Variants in ASCC2 observed in about 807,000 individuals in gnomAD.
The protein encoded by ASCC2 is activating signal cointegrator 1 complex subunit 2, also known as ASC-1 complex subunit P100.
Under a neutral mutation model 93.5 loss-of-function variants are expected in ASCC2, and 42 were observed. That is an observed-to-expected ratio of 0.45 (90% CI 0.35 to 0.58). The LOEUF (loss-of-function observed/expected upper bound fraction) is 0.58. Among genes scored for constraint, ASCC2 ranks in the 20% least tolerant of loss-of-function variants. The pLI is 0.00. For synonymous variants in ASCC2, 364 were observed against 384.2 expected (o/e 0.95, Z 0.62); for missense variants, 859 against 977.6 (o/e 0.88, Z 1.62).
At chr22:29,789,442 C>T (rs2068623684) in intron 19 of ASCC2, among the ~76,000 whole-genome samples, 2 of 152,200 alleles carry the variant, frequency 1.3e-5, no homozygotes, top group African/African-American at 4.8e-5. Context: ...AGCGGAGGAA[C>T]AGCTAGAGAG....
At chr22:29,833,906 G>A (rs1190297687) in intron 1 of ASCC2, among the ~76,000 whole-genome samples, 4 of 149,284 alleles carry the variant, frequency 2.7e-5, no homozygotes, top group African/African-American at 4.9e-5. Flanking sequence ...AAATAGAGAC[G>A]GGGTTTCACC....
intron 15 of ASCC2, among the ~76,000 whole-genome samples, chr22:29,799,724 T>C (rs751200462): frequency 7.9e-5 from 12 of 152,352 alleles, no homozygotes; most frequent in South Asian, 4.1e-4. Flanking sequence ...GATGTTGTAC[T>C]CTTTACCATG....
chr22:29,827,876 C>T lies in ASCC2; in HGVS notation c.82-2096G>A, dbSNP rs1266333466. Among the ~76,000 whole-genome samples, 20 of 140,260 alleles carry T rather than the reference C, an allele frequency of 1.4e-4. 1 individual carries two copies. The highest frequency in any genetic ancestry group is 5.4e-4 in the African/African-American group (20 of 36,902). The allele number at this position is 140,260 out of a possible 152,430, so 92.0% of individuals were successfully genotyped here. Reference sequence around the variant, plus strand: ...CTCCTGACACACACACACACACACACACACCAGGCTACTCATTCTTCTGAC... The same window carrying T: ...CTCCTGACACACACACACACACACATACACCAGGCTACTCATTCTTCTGAC... On this transcript the variant is annotated intron_variant, in intron 2 of 19. Coordinates refer to ENST00000307790, the MANE Select transcript of ASCC2 (RefSeq NM_032204.5).
intron 14 of ASCC2, 90 bp from the exon 15 acceptor site, chr22:29,801,200 G>T: frequency 6.9e-7 from 1 of 1,452,572 alleles, no homozygotes; most frequent in East Asian, 2.5e-5. Context: ...TAAATCCATC[G>T]GATTTTTCAG....
chr22:29,819,851 T>A (rs924212807), intron 5 of ASCC2, among the ~76,000 whole-genome samples: 5 of 152,310 alleles, frequency 3.3e-5, no homozygotes, highest in Admixed American at 3.3e-4. Context: ...GTAAAATTAC[T>A]AGGAGTCTTT....
chr22:29,836,116 G>A (rs2063748237), intron 1 of ASCC2, among the ~76,000 whole-genome samples: 1 of 152,000 alleles, frequency 6.6e-6, no homozygotes, highest in Admixed American at 6.6e-5. Flanking sequence ...GCCATGATAC[G>A]TCACTGAACT....
chr22:29,806,225 G>A lies in ASCC2; in HGVS notation c.1151C>T (p.Ser384Leu). Reference protein sequence around the residue: ...AEDISLLQQASSVLDETRTAY... With the variant: ...AEDISLLQQALSVLDETRTAY... Reference sequence around the variant, plus strand: ...TATGGTAGAAGGATACAAGACTGATGAGGCCTGCTGCAGCAAGCTGATGTC... The same window carrying A: ...TATGGTAGAAGGATACAAGACTGATAAGGCCTGCTGCAGCAAGCTGATGTC... The change falls in exon 12 of 20, where the codon TCA (serine) becomes TTA (leucine). Residue 384 changes from serine to leucine, a missense_variant. By Grantham distance (145) the Ser-to-Leu change is moderately radical (BLOSUM62 -2). Coordinates refer to ENST00000307790, the MANE Select transcript of ASCC2 (RefSeq NM_032204.5). 3 of 1,614,110 alleles carry A rather than the reference G, an allele frequency of 1.9e-6. No homozygotes were observed. The highest frequency in any genetic ancestry group is 2.5e-6 in the Non-Finnish European group (3 of 1,179,998).
At chr22:29,827,377 C>T (rs2062504623) in intron 2 of ASCC2, 1 of 310,136 alleles carries the variant, frequency 3.2e-6, no homozygotes, top group Admixed American at 4.4e-5. Context: ...AACCACAGTC[C>T]ATCCACTTCC....
intron 2 of ASCC2, among the ~76,000 whole-genome samples, chr22:29,829,498 G>A (rs547878242): frequency 3.3e-5 from 5 of 152,010 alleles, no homozygotes; most frequent in Admixed American, 6.5e-5. Flanking sequence ...CAAGGCGGGC[G>A]GATCACAAGG....
intron 13 of ASCC2, among the ~76,000 whole-genome samples, chr22:29,802,564 G>A (rs1023371490): frequency 2.0e-5 from 3 of 152,156 alleles, no homozygotes; most frequent in Admixed American, 1.3e-4. Context: ...ACTTTGGGAG[G>A]CTGAGGCAAG....
chr22:29,804,931 G>A lies in ASCC2; in HGVS notation c.1161-101C>T, dbSNP rs542046335. 1.1e-3 allele frequency: 1,428 copies of A among 1,312,210 alleles called. 35 individuals are homozygous for A. The South Asian group carries it at 0.018, about 16-fold the overall frequency. The allele number at this position is 1,312,210 out of a possible 1,614,324, so 81.3% of individuals were successfully genotyped here. A position where few individuals can be genotyped will look rare whatever the true frequency, so the allele number is the denominator to read the frequency against. ...ATCTGACCACATGGTTCCTGCCAGG[G>A]GCTTTCTGGGCTATATCTAAGTGGT... On this transcript the variant is annotated intron_variant, in intron 12 of 19. Coordinates refer to ENST00000307790, the MANE Select transcript of ASCC2 (RefSeq NM_032204.5).
At chr22:29,820,652 G>A (rs1303085604) in intron 5 of ASCC2, among the ~76,000 whole-genome samples, 1 of 151,614 alleles carries the variant, frequency 6.6e-6, no homozygotes, top group East Asian at 1.9e-4. Flanking sequence ...GAAAAAAAAA[G>A]GCTGGGCGCA....
At position 29,790,521 on chromosome 22, in the gene ASCC2, C is replaced by T. The variant is rs1274789784; in HGVS notation, c.2050G>A (p.Val684Met). 1 of 1,614,052 alleles carries T rather than the reference C, an allele frequency of 6.2e-7. No individual in the cohort carries two copies. The highest frequency in any genetic ancestry group is 1.3e-5 in the African/African-American group (1 of 74,940). Residue 684 changes from valine to methionine, a missense_variant, in exon 19 of 20, where the codon GTG becomes ATG. Physicochemically the swap from Val to Met is conservative, Grantham distance 21. Transcript: ENST00000307790. ...CTGGCTTCTGCCTTCTCTCTCAGCA[C>T]TGCAGGGTCCTGAACAAAATGGTCG... ...KPDHFVQDPA[V>M]LREKAEARRM...
intron 2 of ASCC2, among the ~76,000 whole-genome samples, chr22:29,829,199 A>G (rs1029530839): frequency 6.6e-6 from 1 of 152,080 alleles, no homozygotes; most frequent in South Asian, 2.1e-4. Flanking sequence ...CTTTCTTTTC[A>G]TAGGTGTTGG....
intron 2 of ASCC2, among the ~76,000 whole-genome samples, chr22:29,831,779 G>A (rs1187957367): frequency 6.6e-6 from 1 of 152,190 alleles, no homozygotes; most frequent in Non-Finnish European, 1.5e-5. Context: ...CTCTGCCGGG[G>A]TGTTTGTATG....
chr22:29,824,251 TACAC>T (rs60849755), intron 4 of ASCC2, among the ~76,000 whole-genome samples: 26,884 of 146,356 alleles, frequency 0.18, 2,521 homozygotes, highest in South Asian at 0.3. Context: ...ATTTTTTAAA[TACAC>T]ACACACACAC....
Position 29,816,017 on chromosome 22 carries a change from T to C in ASCC2, c.598A>G (p.Thr200Ala), listed in dbSNP as rs150841970. The C allele has an allele frequency of 3.0e-4, 480 of 1,594,078 alleles. 1 individual carries two copies. Among genetic ancestry groups the C allele is most frequent in the Middle Eastern group, 6.6e-4 (4 of 6,042 alleles). ...CCAAGAGCTGGTACCTGAAGGATGG[T>C]AGGCAGGGTTTCATCCAGGTCACTG... Reference protein sequence around the residue: ...YYSDLDETLPTILQVFSNILQ... With the variant: ...YYSDLDETLPAILQVFSNILQ... Residue 200 changes from threonine to alanine, a missense_variant, in exon 6 of 20, where the codon ACC (threonine) becomes GCC (alanine). By Grantham distance (58) the Thr-to-Ala change is moderately conservative. Coordinates refer to ENST00000307790, the MANE Select transcript of ASCC2 (RefSeq NM_032204.5).
chr22:29,807,689 T>TA (rs906939033), intron 9 of ASCC2, among the ~76,000 whole-genome samples: 14 of 150,894 alleles, frequency 9.3e-5, no homozygotes, highest in Admixed American at 6.6e-5. Context: ...GCTAAGAGTT[T>TA]AAAAAAAAAT....
At chr22:29,832,562 A>G in intron 1 of ASCC2, 2 of 392,944 alleles carry the variant, frequency 5.1e-6, no homozygotes, top group Non-Finnish European at 9.1e-6. Flanking sequence ...ACTTCCCCAG[A>G]TGACTTCTGA....
Sources: gnomAD v4.1 joint callset for allele counts (sites outside exome capture counted in the v4.1 genomes callset) on GRCh38, gnomAD v4.1.1 for gene constraint, MANE v1.5 for transcripts, NCBI Gene and HGNC (gene_info 2026-07-23, HGNC 2026-07-21) for gene names.